The following RAD51B variants were observed in gnomAD, a reference collection of about 807,000 sequenced individuals.
RAD51B encodes the protein RAD51 paralog B, also known as DNA repair protein RAD51 homolog 2.
Under a neutral mutation model 42.2 loss-of-function variants are expected in RAD51B, and 38 were observed. That is an observed-to-expected ratio of 0.90 (90% CI 0.70 to 1.18). The LOEUF (loss-of-function observed/expected upper bound fraction) is 1.18, where lower values mean the gene tolerates loss of function less well. Ranked by LOEUF, RAD51B falls within the 50% of genes most tolerant of loss-of-function variation. The probability of loss-of-function intolerance (pLI) is 0.00; values close to 1 mark genes in which losing one functional copy is unlikely to be tolerated. For synonymous variants in RAD51B, 154 were observed against 145.2 expected (o/e 1.06, Z -0.43); for missense variants, 373 against 400.7 (o/e 0.93, Z 0.59).
At chr14:68,588,707 C>G (rs1890604178) in intron 10 of RAD51B, among the ~76,000 whole-genome samples, 1 of 152,206 alleles carries the variant, frequency 6.6e-6, no homozygotes, top group Non-Finnish European at 1.5e-5. Context: ...GATTTCATTT[C>G]TTTCACCGTC....
At chr14:68,314,251 A>G (rs376905945) in intron 8 of RAD51B, among the ~76,000 whole-genome samples, 12 of 151,274 alleles carry the variant, frequency 7.9e-5, no homozygotes, top group African/African-American at 2.9e-4. Flanking sequence ...GTTCACTCCT[A>G]CTCCACTGTG....
intron 7 of RAD51B, among the ~76,000 whole-genome samples, chr14:68,115,455 T>G (rs1595418654): frequency 9.0e-6 from 1 of 110,928 alleles, no homozygotes; most frequent in Non-Finnish European, 1.8e-5. Flanking sequence ...AGATGACGAG[T>G]TAGTGGGTGC....
At chr14:68,334,913 T>C (rs200944768) in intron 8 of RAD51B, among the ~76,000 whole-genome samples, 2 of 109,958 alleles carry the variant, frequency 1.8e-5, no homozygotes, top group South Asian at 3.0e-4. Context: ...ATAGATATAT[T>C]TTATGATATA....
chr14:67,895,604 C>T (rs983041158), intron 7 of RAD51B, among the ~76,000 whole-genome samples: 2 of 152,158 alleles, frequency 1.3e-5, no homozygotes, highest in African/African-American at 4.8e-5. Context: ...AGTATGGGGG[C>T]AGAGAAACTA....
At chr14:68,682,914 T>TC in intron 11 of RAD51B, 1 of 440,304 alleles carries the variant, frequency 2.3e-6, no homozygotes, top group Non-Finnish European at 2.7e-6. Context: ...TTATGGCTTT[T>TC]TTTTTTTTTT....
chr14:68,397,812 G>A (rs142088062), intron 8 of RAD51B, among the ~76,000 whole-genome samples: 1,674 of 152,296 alleles, frequency 0.011, 17 homozygotes, highest in Non-Finnish European at 0.018. Flanking sequence ...ACCAGTGTGG[G>A]AAACAAAAAC....
intron 7 of RAD51B, among the ~76,000 whole-genome samples, chr14:68,062,755 G>C (rs1015416561): frequency 6.7e-6 from 1 of 148,778 alleles, no homozygotes; most frequent in Admixed American, 6.8e-5. Context: ...GTTGCAGTTA[G>C]CTGAGATTGT....
At chr14:68,473,825 G>C (rs1180655115) in intron 10 of RAD51B, among the ~76,000 whole-genome samples, 1 of 152,096 alleles carries the variant, frequency 6.6e-6, no homozygotes, top group Non-Finnish European at 1.5e-5. Flanking sequence ...AAACTCTCCA[G>C]AGTTTGGTCT....
At chr14:68,640,731 A>G (rs369202007) in intron 10 of RAD51B, among the ~76,000 whole-genome samples, 1 of 152,238 alleles carries the variant, frequency 6.6e-6, no homozygotes, top group African/African-American at 2.4e-5. Flanking sequence ...GTATTCCACA[A>G]CTAAGGAAAT....
intron 5 of RAD51B, among the ~76,000 whole-genome samples, chr14:67,869,400 G>T (rs942191486): frequency 4.6e-5 from 7 of 152,140 alleles, no homozygotes; most frequent in African/African-American, 1.7e-4. Flanking sequence ...AGAATAAAAA[G>T]AAATGAGCAA....
At chr14:68,004,096 C>T (rs912464424) in intron 7 of RAD51B, among the ~76,000 whole-genome samples, 2 of 151,734 alleles carry the variant, frequency 1.3e-5, no homozygotes, top group African/African-American at 4.8e-5. Context: ...TTTGGGAGGC[C>T]GAGGTGGGCG....
intron 9 of RAD51B, among the ~76,000 whole-genome samples, chr14:68,456,311 C>T (rs2085684973): frequency 3.3e-5 from 5 of 151,990 alleles, no homozygotes. Context: ...TTTTTAAAAA[C>T]AACATGATCC....
chr14:68,278,156 G>A (rs1484919144), intron 7 of RAD51B, among the ~76,000 whole-genome samples: 1 of 152,226 alleles, frequency 6.6e-6, no homozygotes, highest in Non-Finnish European at 1.5e-5. Flanking sequence ...TTGCCCTAGA[G>A]AAGAAATTTA....
intron 9 of RAD51B, among the ~76,000 whole-genome samples, chr14:68,437,758 A>G (rs2085181631): frequency 6.6e-6 from 1 of 152,300 alleles, no homozygotes; most frequent in Non-Finnish European, 1.5e-5. Context: ...AAATAAATAT[A>G]AGAAGGAATT....
At chr14:67,909,557 C>T (rs76881107) in intron 7 of RAD51B, among the ~76,000 whole-genome samples, 41 of 152,122 alleles carry the variant, frequency 2.7e-4, no homozygotes, top group African/African-American at 9.2e-4. Context: ...TTATAAGAAG[C>T]CTAAGTATCA....
At chr14:67,905,348 A>T (rs572177869) in intron 7 of RAD51B, among the ~76,000 whole-genome samples, 2 of 152,172 alleles carry the variant, frequency 1.3e-5, no homozygotes, top group Non-Finnish European at 2.9e-5. Context: ...GAAGTTGGGT[A>T]GTGTGATGCT....
At chr14:68,193,925 T>A (rs146557529) in intron 7 of RAD51B, among the ~76,000 whole-genome samples, 6 of 152,260 alleles carry the variant, frequency 3.9e-5, no homozygotes, top group African/African-American at 1.4e-4. Flanking sequence ...CCAGCAGTAG[T>A]CTCTCTGTGA....
chr14:68,214,453 G>T (rs1432553350), intron 7 of RAD51B, among the ~76,000 whole-genome samples: 1 of 152,144 alleles, frequency 6.6e-6, no homozygotes, highest in African/African-American at 2.4e-5. Flanking sequence ...GAATCTTCTA[G>T]CATGGGGAGG....
intron 9 of RAD51B, among the ~76,000 whole-genome samples, chr14:68,467,031 C>T (rs1376539098): frequency 6.6e-6 from 1 of 152,200 alleles, no homozygotes; most frequent in Non-Finnish European, 1.5e-5. Flanking sequence ...TCTTCCTTCT[C>T]TCTTGCCTCC....
Sources: gnomAD v4.1 joint callset for allele counts (sites outside exome capture counted in the v4.1 genomes callset) on GRCh38, gnomAD v4.1.1 for gene constraint, MANE v1.5 for transcripts, NCBI Gene and HGNC (gene_info 2026-07-23, HGNC 2026-07-21) for gene names.